Variants in ARMC2 observed in about 807,000 individuals in gnomAD.
The protein encoded by ARMC2 is armadillo repeat containing 2.
A neutral mutation model predicts 90.3 loss-of-function variants in ARMC2; 67 were observed. That is an observed-to-expected ratio of 0.74 (90% CI 0.61 to 0.91). The LOEUF (loss-of-function observed/expected upper bound fraction) is 0.91. Ranked by LOEUF, ARMC2 falls within the 40% of genes least tolerant of loss-of-function variation. ARMC2 has a pLI of 0.00. For synonymous variants in ARMC2, 393 were observed against 393.0 expected, an observed-to-expected ratio of 1.00 and a Z score of 0.00; for missense variants, 920 against 1,030.9, an observed-to-expected ratio of 0.89 and a Z score of 1.47.
intron 10 of ARMC2, among the ~76,000 whole-genome samples, chr6:108,924,433 G>A (rs1249810517): frequency 6.6e-6 from 1 of 152,092 alleles, no homozygotes; most frequent in African/African-American, 2.4e-5. Context: ...CAGGAGAATC[G>A]CTTGAACCCA....
At chr6:109,023,043 C>T in the ARMC2 span, among the ~76,000 whole-genome samples, 6 of 152,192 alleles carry the variant, frequency 3.9e-5, no homozygotes, top group Non-Finnish European at 5.9e-5. Flanking sequence ...CTGCTCACTC[C>T]ACCCTCTGTG....
intron 17 of ARMC2, among the ~76,000 whole-genome samples, chr6:108,965,522 T>C (rs1279776513): frequency 1.3e-5 from 2 of 152,230 alleles, no homozygotes; most frequent in African/African-American, 4.8e-5. Context: ...AATGAAGCTA[T>C]ACATTTTAAT....
chr6:108,891,076 C>T (rs115456986), intron 5 of ARMC2, among the ~76,000 whole-genome samples: 6,054 of 152,198 alleles, frequency 0.04, 421 homozygotes, highest in African/African-American at 0.14. Context: ...GCAAAGTACA[C>T]GAACTCATCC....
At chr6:108,977,118 A>C (rs563980527), downstream of ARMC2, among the ~76,000 whole-genome samples, 51 of 152,328 alleles carry the variant, frequency 3.3e-4, no homozygotes, top group African/African-American at 1.2e-3. Flanking sequence ...TTGCCCATTC[A>C]GTATGATATT....
the ARMC2 span, among the ~76,000 whole-genome samples, chr6:109,035,548 GA>G: frequency 9.3e-4 from 134 of 144,238 alleles, 1 homozygote; most frequent in African/African-American, 2.2e-3. Context: ...CCGGCAGAGG[GA>G]AAAAAAAAAA....
At chr6:109,009,499 A>T in the ARMC2 span, 1 of 1,214,352 alleles carries the variant, frequency 8.2e-7, no homozygotes, top group African/African-American at 1.6e-5. Context: ...GGAGGCGGCG[A>T]GCGCTGGGCA....
chr6:109,040,441 T>C, the ARMC2 span, among the ~76,000 whole-genome samples: 1 of 152,190 alleles, frequency 6.6e-6, no homozygotes, highest in Non-Finnish European at 1.5e-5. Context: ...TTGTTAAATG[T>C]GGGAAAGTTA....
intron 4 of ARMC2, 40 bp downstream of exon 4, chr6:108,869,035 A>T: frequency 1.3e-6 from 2 of 1,525,728 alleles, no homozygotes. Flanking sequence ...GGGGACAGGC[A>T]TGCTTCTTGA....
chr6:109,000,596 C>T, the ARMC2 span: 2 of 1,612,518 alleles, frequency 1.2e-6, no homozygotes, highest in Non-Finnish European at 1.7e-6. Context: ...CATTGAGCCA[C>T]TTGGGGTCCC....
At chr6:108,986,269 T>A in the ARMC2 span, among the ~76,000 whole-genome samples, 4 of 152,210 alleles carry the variant, frequency 2.6e-5, no homozygotes, top group Non-Finnish European at 4.4e-5. Flanking sequence ...AAAAATGGTC[T>A]CAGATAAGAT....
intron 4 of ARMC2, among the ~76,000 whole-genome samples, chr6:108,873,101 C>T (rs553093130): frequency 1.3e-5 from 2 of 152,292 alleles, no homozygotes; most frequent in East Asian, 1.9e-4. Context: ...TATTTTAGAC[C>T]TGGTCCTTAT....
At chr6:108,894,389 T>C in intron 5 of ARMC2, 78 bp from the exon 6 acceptor site, 1 of 1,228,374 alleles carries the variant, frequency 8.1e-7, no homozygotes, top group Non-Finnish European at 1.2e-6. Context: ...TAAGAAACTG[T>C]ATATAGCAGA....
At chr6:108,904,672 A>G in intron 8 of ARMC2, among the ~76,000 whole-genome samples, 1 of 151,824 alleles carries the variant, frequency 6.6e-6, no homozygotes, top group East Asian at 1.9e-4. Context: ...AAGAAGAAGA[A>G]GGAAGGAAGG....
chr6:108,976,646 G>A (rs1778988450), downstream of ARMC2, among the ~76,000 whole-genome samples: 1 of 151,988 alleles, frequency 6.6e-6, no homozygotes, highest in Non-Finnish European at 1.5e-5. Context: ...AGCATGGAAT[G>A]TTTTTTTAAT....
intron 1 of ARMC2, among the ~76,000 whole-genome samples, chr6:108,853,941 G>C (rs777544657): frequency 6.6e-6 from 1 of 152,022 alleles, no homozygotes; most frequent in Non-Finnish European, 1.5e-5. Flanking sequence ...GAGATGATTC[G>C]CTCTTCCTAT....
chr6:108,996,051 T>C, the ARMC2 span, among the ~76,000 whole-genome samples: 2 of 152,222 alleles, frequency 1.3e-5, no homozygotes, highest in Non-Finnish European at 2.9e-5. Context: ...TCGCATGATA[T>C]TGATTTAATG....
the ARMC2 span, among the ~76,000 whole-genome samples, chr6:109,017,875 A>G: frequency 1.3e-5 from 2 of 152,242 alleles, no homozygotes; most frequent in African/African-American, 2.4e-5. Flanking sequence ...ATCTTTTAAT[A>G]TAATTCCTGG....
chr6:109,028,754 T>C, the ARMC2 span, among the ~76,000 whole-genome samples: 452 of 152,234 alleles, frequency 3.0e-3, 4 homozygotes, highest in Non-Finnish European at 3.9e-3. Context: ...ATCTCAGAAC[T>C]GGCACAGAAC....
chr6:109,009,389 CT>C, the ARMC2 span: 7 of 1,466,286 alleles, frequency 4.8e-6, no homozygotes, highest in Non-Finnish European at 6.3e-6. Flanking sequence ...CGCCGCACTG[CT>C]TGCAGCCCAG....
Sources: allele counts gnomAD v4.1 joint callset (sites outside exome capture counted in the v4.1 genomes callset), GRCh38; gene constraint gnomAD v4.1.1; transcripts MANE v1.5; gene names NCBI Gene and HGNC (gene_info 2026-07-23, HGNC 2026-07-21).